CMIP: variants seen among roughly 807,000 people sequenced by gnomAD.
The protein encoded by CMIP is c-Maf inducing protein, also known as C-Maf-inducing protein.
Under a neutral mutation model 97.3 loss-of-function variants are expected in CMIP, and 13 were observed. The observed-to-expected ratio is 0.13, with a 90% CI of 0.09 to 0.21. CMIP has a LOEUF of 0.21. Ranked by LOEUF, CMIP falls within the 10% of genes least tolerant of loss-of-function variation. The pLI is 1.00. For synonymous variants in CMIP, 538 were observed against 436.3 expected (o/e 1.23, Z -2.91); for missense variants, 847 against 1,024.9 (o/e 0.83, Z 2.37).
chr16:81,601,403 A>T (rs74031217), intron 1 of CMIP, among the ~76,000 whole-genome samples: 5,631 of 151,498 alleles, frequency 0.037, 155 homozygotes, highest in Middle Eastern at 0.092. Flanking sequence ...CGGGGGCCCA[A>T]TGGGGGCTCT....
chr16:81,569,291 C>T (rs557414299), intron 1 of CMIP, among the ~76,000 whole-genome samples: 1 of 152,304 alleles, frequency 6.6e-6, no homozygotes, highest in Admixed American at 6.5e-5. Context: ...TGTTCCACTT[C>T]GCAGAGGCAA....
chr16:81,645,484 TGAC>T (rs1260335543), intron 3 of CMIP: 22 of 1,533,996 alleles, frequency 1.4e-5, no homozygotes, highest in Non-Finnish European at 1.8e-5. Context: ...ACATTCCTGC[TGAC>T]GACTTGTCTC....
intron 1 of CMIP, among the ~76,000 whole-genome samples, chr16:81,458,297 C>T (rs1336966933): frequency 6.6e-6 from 1 of 152,142 alleles, no homozygotes; most frequent in East Asian, 1.9e-4. Flanking sequence ...TATTAAAAAG[C>T]AAGGTTCTGG....
intron 10 of CMIP, among the ~76,000 whole-genome samples, chr16:81,687,587 C>T (rs1471445936): frequency 1.3e-5 from 2 of 152,168 alleles, no homozygotes; most frequent in Non-Finnish European, 2.9e-5. Context: ...CAGCCACTTG[C>T]TGGTGACTTG....
chr16:81,509,916 C>G lies in CMIP; in HGVS notation c.300+64375C>G, dbSNP rs141430388. Among the ~76,000 whole-genome samples, 126 of 152,282 alleles carry G rather than the reference C, an allele frequency of 8.3e-4. 1 individual carries two copies. The highest frequency in any genetic ancestry group is 1.3e-3 in the Non-Finnish European group (87 of 68,014). ...CTGATGCAGTGATTGGCTGGGGGCC[C>G]CTTTGTCAGGAGCTCCGGACATCCT... On this transcript the variant is annotated intron_variant, in intron 1 of 20. Coordinates refer to ENST00000537098, the MANE Select transcript of CMIP (RefSeq NM_198390.3).
Position 81,652,847 on chromosome 16 carries a change from C to A in CMIP, c.639+483C>A, listed in dbSNP as rs1225760073. Reference sequence around the variant, plus strand: ...CAGCCGCGGTTTGCAGCTGGTGCTACCTGATGCCACCCGTCGGCTGGGCCT... The same window carrying A: ...CAGCCGCGGTTTGCAGCTGGTGCTAACTGATGCCACCCGTCGGCTGGGCCT... On this transcript the variant is annotated intron_variant, in intron 4 of 20. Coordinates refer to ENST00000537098, the MANE Select transcript of CMIP (RefSeq NM_198390.3). This position sits in a 1 kb window ranked among gnomAD's most constrained non-coding sequence, Gnocchi z 5.2. Among the ~76,000 whole-genome samples the A allele has an allele frequency of 6.6e-6, 1 of 152,208 alleles. No individual in the cohort carries two copies. Among genetic ancestry groups the A allele is most frequent in the Non-Finnish European group, 1.5e-5 (1 of 68,044 alleles).
At chr16:81,459,975 C>T (rs905374096) in intron 1 of CMIP, among the ~76,000 whole-genome samples, 2 of 152,188 alleles carry the variant, frequency 1.3e-5, no homozygotes, top group Non-Finnish European at 2.9e-5. Context: ...GGACTTTGGC[C>T]ACATCCCAGT....
At chr16:81,515,141 C>T (rs11865332) in intron 1 of CMIP, among the ~76,000 whole-genome samples, 30,224 of 152,174 alleles carry the variant, frequency 0.2, 3,663 homozygotes, top group Admixed American at 0.31. Context: ...TGTGCCAGAC[C>T]GTCTTCTCCC....
At chr16:81,464,010 C>G (rs1907048553) in intron 1 of CMIP, 2 of 152,260 alleles carry the variant, frequency 1.3e-5, no homozygotes, top group Admixed American at 6.5e-5. Context: ...CAGGATTTTC[C>G]TAGTCCCTTG....
At chr16:81,699,863 T>C (rs539794867) in intron 15 of CMIP, 62 bp downstream of exon 15, 2 of 1,163,028 alleles carry the variant, frequency 1.7e-6, no homozygotes, top group South Asian at 1.3e-5. Flanking sequence ...TCCGTGCCGA[T>C]AGAGCATCTG....
At chr16:81,464,734 C>A (rs368755975) in intron 1 of CMIP, 3 of 152,428 alleles carry the variant, frequency 2.0e-5, no homozygotes, top group East Asian at 3.9e-4. Flanking sequence ...GTCCCAGCCC[C>A]TGGTCACTGC....
chr16:81,471,418 A>ATG (rs397761151), intron 1 of CMIP, among the ~76,000 whole-genome samples: 1 of 152,128 alleles, frequency 6.6e-6, no homozygotes, highest in South Asian at 2.1e-4. Context: ...ATACACACAT[A>ATG]CATGTACATG....
At chr16:81,487,205 C>G (rs2089329351) in intron 1 of CMIP, among the ~76,000 whole-genome samples, 1 of 152,224 alleles carries the variant, frequency 6.6e-6, no homozygotes, top group Non-Finnish European at 1.5e-5. Flanking sequence ...TGCCCCCTCC[C>G]CACCCTCCCT....
chr16:81,654,754 G>A (rs1226985765), intron 4 of CMIP, among the ~76,000 whole-genome samples: 1 of 152,238 alleles, frequency 6.6e-6, no homozygotes, highest in African/African-American at 2.4e-5. Flanking sequence ...CACAGGGCCA[G>A]TCAGATTAAG....
At chr16:81,699,898 C>A in intron 15 of CMIP, 97 bp downstream of exon 15, 1 of 802,678 alleles carries the variant, frequency 1.2e-6, no homozygotes, top group Non-Finnish European at 2.1e-6. Flanking sequence ...CTGCTGCAGG[C>A]ACGGGGGGCA....
chr16:81,509,554 CG>C (rs886719363), intron 1 of CMIP, among the ~76,000 whole-genome samples: 19 of 152,212 alleles, frequency 1.2e-4, no homozygotes, highest in African/African-American at 4.3e-4. Flanking sequence ...TGCAGGTACT[CG>C]GGGGTCATAG....
intron 15 of CMIP, among the ~76,000 whole-genome samples, chr16:81,700,932 G>T (rs549939776): frequency 6.6e-6 from 1 of 152,304 alleles, no homozygotes; most frequent in South Asian, 2.1e-4. Context: ...CAGGGAGACA[G>T]GAGACAGGCA....
chr16:81,628,403 G>T (rs538117268), intron 3 of CMIP, among the ~76,000 whole-genome samples: 1 of 152,344 alleles, frequency 6.6e-6, no homozygotes, highest in South Asian at 2.1e-4. Context: ...TGGTCCTCGA[G>T]CCATGATGGA....
chr16:81,562,156 A>G (rs1162141995), intron 1 of CMIP, among the ~76,000 whole-genome samples: 11 of 152,220 alleles, frequency 7.2e-5, no homozygotes, highest in Non-Finnish European at 1.5e-5. Context: ...TGAGATGAGG[A>G]TGCAGCCAAC....
Sources: gnomAD v4.1 joint callset for allele counts (sites outside exome capture counted in the v4.1 genomes callset) on GRCh38, gnomAD v4.1.1 for gene constraint, Gnocchi (gnomAD v3.1) non-coding constraint, MANE v1.5 for transcripts, NCBI Gene and HGNC (gene_info 2026-07-23, HGNC 2026-07-21) for gene names.